Variants in SEM1 observed in about 807,000 individuals in gnomAD.
SEM1 encodes the protein 26S proteasome complex subunit SEM1.
A neutral mutation model predicts 12.7 loss-of-function variants in SEM1; 3 were observed. That is an observed-to-expected ratio of 0.24 (90% CI 0.11 to 0.61). The LOEUF is 0.61. Ranked by LOEUF, SEM1 falls within the 20% of genes least tolerant of loss-of-function variation. The pLI is 0.88. For missense variants in SEM1, 59 were observed against 81.3 expected, an observed-to-expected ratio of 0.73 and a Z score of 1.06; for synonymous variants, 30 against 27.8, an observed-to-expected ratio of 1.08 and a Z score of -0.25.
At chr7:96,623,761 G>A (rs1807968353) in intron 2 of SEM1, among the ~76,000 whole-genome samples, 1 of 151,934 alleles carries the variant, frequency 6.6e-6, no homozygotes, top group African/African-American at 2.4e-5. Flanking sequence ...TACAAACTTG[G>A]TGGCTTAAAA....
intron 2 of SEM1, among the ~76,000 whole-genome samples, chr7:96,507,557 C>T (rs10274372): frequency 0.33 from 49,998 of 151,914 alleles, 9,876 homozygotes; most frequent in East Asian, 0.68. Context: ...TCCCTTTCAG[C>T]CCAGTGCTGG....
chr7:96,586,955 G>T (rs1020964735), intron 2 of SEM1, among the ~76,000 whole-genome samples: 4 of 152,076 alleles, frequency 2.6e-5, no homozygotes, highest in Admixed American at 2.6e-4. Context: ...GTGCATTATG[G>T]ATGTCTTCAG....
chr7:96,500,793 G>A (rs1034359626), upstream of SEM1, among the ~76,000 whole-genome samples: 3 of 152,126 alleles, frequency 2.0e-5, no homozygotes, highest in African/African-American at 7.2e-5. Context: ...TCCTGGAGAG[G>A]AGGTTAGATT....
chr7:96,493,467 A>G (rs1318188632), intron 1 of SEM1, among the ~76,000 whole-genome samples: 1 of 151,850 alleles, frequency 6.6e-6, no homozygotes, highest in African/African-American at 2.4e-5. Flanking sequence ...GCCATACACC[A>G]TTGTTTATTT....
At chr7:96,509,334 G>A (rs148934592) in intron 2 of SEM1, among the ~76,000 whole-genome samples, 2 of 151,858 alleles carry the variant, frequency 1.3e-5, no homozygotes, top group Admixed American at 1.3e-4. Context: ...TATCATCTGT[G>A]CTCAGGTAAA....
intron 2 of SEM1, among the ~76,000 whole-genome samples, chr7:96,527,122 A>C (rs1804490746): frequency 1.3e-5 from 2 of 152,056 alleles, no homozygotes; most frequent in Admixed American, 6.6e-5. Context: ...GATGAAAGAT[A>C]TATAATGCAT....
At chr7:96,487,960 A>G (rs1209837714) in intron 1 of SEM1, among the ~76,000 whole-genome samples, 1 of 150,142 alleles carries the variant, frequency 6.7e-6, no homozygotes, top group South Asian at 2.1e-4. Context: ...GATGTCCCCA[A>G]GCTATGTCTG....
intron 2 of SEM1, among the ~76,000 whole-genome samples, chr7:96,536,669 T>C (rs1804795503): frequency 6.6e-6 from 1 of 151,854 alleles, no homozygotes; most frequent in Non-Finnish European, 1.5e-5. Context: ...GATGTAATGC[T>C]CCTCTTTGTC....
At chr7:96,571,585 C>G (rs147269880) in intron 2 of SEM1, among the ~76,000 whole-genome samples, 3 of 150,326 alleles carry the variant, frequency 2.0e-5, no homozygotes, top group Non-Finnish European at 3.0e-5. Flanking sequence ...TACATATATA[C>G]GCACATATAT....
intron 2 of SEM1, among the ~76,000 whole-genome samples, chr7:96,602,356 T>C (rs1299534643): frequency 1.3e-5 from 2 of 152,204 alleles, no homozygotes; most frequent in East Asian, 3.8e-4. Context: ...TGACCCCACA[T>C]TTCTGCATGG....
At chr7:96,596,623 G>T (rs1807006192) in intron 2 of SEM1, among the ~76,000 whole-genome samples, 1 of 152,150 alleles carries the variant, frequency 6.6e-6, no homozygotes, top group African/African-American at 2.4e-5. Context: ...AGTCTATTGT[G>T]TTGACCTCTA....
chr7:96,674,382 G>A (rs999004761), intron 2 of SEM1, among the ~76,000 whole-genome samples: 9 of 152,126 alleles, frequency 5.9e-5, no homozygotes, highest in African/African-American at 1.9e-4. Flanking sequence ...GGCTGGGTGC[G>A]GTGGCTCACA....
intron 2 of SEM1, among the ~76,000 whole-genome samples, chr7:96,548,604 T>C (rs552346997): frequency 1.7e-4 from 26 of 152,214 alleles, no homozygotes; most frequent in Non-Finnish European, 3.4e-4. Flanking sequence ...TGATTGTTAA[T>C]GAAAATCACT....
intron 2 of SEM1, among the ~76,000 whole-genome samples, chr7:96,680,895 C>T (rs1340443058): frequency 1.3e-5 from 2 of 152,010 alleles, no homozygotes; most frequent in Non-Finnish European, 2.9e-5. Flanking sequence ...TATTGCAATG[C>T]AACAGCAGTG....
chr7:96,671,009 G>C (rs1789300569), downstream of SEM1, among the ~76,000 whole-genome samples: 1 of 152,116 alleles, frequency 6.6e-6, no homozygotes, highest in Non-Finnish European at 1.5e-5. Context: ...CTGCTCCAAG[G>C]CTCTTGGTCT....
At chr7:96,611,626 T>C (rs961129488) in intron 2 of SEM1, among the ~76,000 whole-genome samples, 2 of 152,206 alleles carry the variant, frequency 1.3e-5, no homozygotes, top group African/African-American at 4.8e-5. Context: ...AGGATGACAA[T>C]GAAAAGTCAT....
intron 2 of SEM1, among the ~76,000 whole-genome samples, chr7:96,544,096 G>A (rs575987469): frequency 1.4e-4 from 21 of 152,080 alleles, no homozygotes; most frequent in African/African-American, 4.6e-4. Context: ...GCCCATCAGC[G>A]TTAAAACATC....
intron 2 of SEM1, among the ~76,000 whole-genome samples, chr7:96,595,027 C>T (rs1441759085): frequency 6.6e-6 from 1 of 151,860 alleles, no homozygotes; most frequent in African/African-American, 2.4e-5. Context: ...CTTAAAATGC[C>T]CTGAAATATT....
chr7:96,562,708 G>A (rs544591323), intron 2 of SEM1, among the ~76,000 whole-genome samples: 1 of 152,154 alleles, frequency 6.6e-6, no homozygotes, highest in Admixed American at 6.5e-5. Flanking sequence ...GTGGGGAGAA[G>A]TTTGGTAAGT....
Sources: allele counts gnomAD v4.1 joint callset (sites outside exome capture counted in the v4.1 genomes callset), GRCh38; gene constraint gnomAD v4.1.1; transcripts MANE v1.5; gene names NCBI Gene and HGNC (gene_info 2026-07-23, HGNC 2026-07-21).